The following ACRBP variants were observed in gnomAD, a reference collection of about 807,000 sequenced individuals.
ACRBP encodes the protein acrosin binding protein.
ACRBP carries 52 observed loss-of-function variants against 69.0 expected under a neutral mutation model. That is an observed-to-expected ratio of 0.75 (90% CI 0.60 to 0.95). The LOEUF (loss-of-function observed/expected upper bound fraction) is 0.95, where lower values mean the gene tolerates loss of function less well. ACRBP is among the 40% of genes least tolerant of loss of function. The pLI is 0.00. For missense variants in ACRBP, 604 were observed against 673.0 expected (o/e 0.90, Z 1.13); for synonymous variants, 267 against 258.9 (o/e 1.03, Z -0.30).
At position 6,646,652 on chromosome 12, in the gene ACRBP, C is replaced by T. The variant is rs186267210; in HGVS notation, c.263-75G>A. ...GGGGCTGTGGGCAATGGACTCCACG[C>T]CATGGGGAGGGTGGAGAGTACGAGC... On this transcript the variant is annotated intron_variant, in intron 2 of 9. Transcript: ENST00000229243. 4 of 1,521,068 alleles carry T rather than the reference C, an allele frequency of 2.6e-6. No individual in the cohort carries two copies. The African/African-American group carries it at 5.5e-5, about 21-fold the overall frequency. 94.2% of individuals were successfully genotyped at this position (1,521,068 alleles called of 1,614,324 possible). A position where few individuals can be genotyped will look rare whatever the true frequency, so the allele number is the denominator to read the frequency against.
At chr12:6,645,107 G>A (rs567499982) in intron 4 of ACRBP, 113 bp downstream of exon 4, 27 of 793,616 alleles carry the variant, frequency 3.4e-5, no homozygotes, top group South Asian at 2.5e-4. Flanking sequence ...GTCTGCTGGC[G>A]CCCCCTTCCC....
At chr12:6,642,960 G>A (rs1949063365) in intron 6 of ACRBP, among the ~76,000 whole-genome samples, 1 of 152,096 alleles carries the variant, frequency 6.6e-6, no homozygotes, top group South Asian at 2.1e-4. Context: ...AGAATCAAGA[G>A]TTGACTCAAG....
chr12:6,643,235 G>T (rs1949065883), intron 6 of ACRBP, among the ~76,000 whole-genome samples: 2 of 152,048 alleles, frequency 1.3e-5, no homozygotes, highest in Admixed American at 1.3e-4. Context: ...TCCAGCCTGA[G>T]TAATAGAGTA....
At chr12:6,646,406 C>T in intron 3 of ACRBP, 77 bp downstream of exon 3, 1 of 1,347,838 alleles carries the variant, frequency 7.4e-7, no homozygotes, top group Non-Finnish European at 1.1e-6. Flanking sequence ...CTCCTGGAAC[C>T]CTTCCTCAAC....
In ACRBP at chr12:6,638,768, G is replaced by A. The variant is rs1565391074; in HGVS notation, c.1509+186C>T. Reference sequence around the variant, plus strand: ...TGTTATCCACCAGCTGCCTAGGAGGGCCTTGCTTCCGCCAGGACTGGAGGA... The same window carrying A: ...TGTTATCCACCAGCTGCCTAGGAGGACCTTGCTTCCGCCAGGACTGGAGGA... On this transcript the variant is annotated intron_variant, in intron 9 of 9. Transcript: ENST00000229243. 2.8e-6 allele frequency: 4 copies of A among 1,444,998 alleles called. No homozygotes were observed. In the East Asian group the frequency reaches 7.5e-5, roughly 27 times the overall value. 89.5% of individuals were successfully genotyped at this position (1,444,998 alleles called of 1,614,324 possible).
chr12:6,638,932 G>GGGGCA, intron 9 of ACRBP, 22 bp downstream of exon 9: 1 of 1,611,706 alleles, frequency 6.2e-7, no homozygotes, highest in Non-Finnish European at 8.5e-7. Flanking sequence ...GGGAGAAGGA[G>GGGGCA]GGGCAGGGCA....
intron 9 of ACRBP, chr12:6,638,657 T>A: frequency 7.2e-7 from 1 of 1,393,820 alleles, no homozygotes. Flanking sequence ...ACTTGGTGAG[T>A]AAGAAGAGGA....
In ACRBP at chr12:6,647,031, G is replaced by C. The variant is rs1949095155; in HGVS notation, c.44-19C>G. On this transcript the variant is annotated intron_variant, in intron 1 of 9. Coordinates refer to ENST00000229243, the MANE Select transcript of ACRBP (RefSeq NM_032489.3). ...AGCAGCACTGCGGAGCGGGCGAACG[G>C]ATGATGGAAGGACCGAACCCCAAAA... 6.2e-7 allele frequency: 1 copy of C among 1,602,632 alleles called. No homozygotes were observed. Among genetic ancestry groups the C allele is most frequent in the African/African-American group, 1.3e-5 (1 of 74,938 alleles).
chr12:6,640,884 A>G lies in ACRBP; in HGVS notation c.1078-362T>C, dbSNP rs1489657947. Among the ~76,000 whole-genome samples the G allele has an allele frequency of 6.6e-6, 1 of 152,178 alleles. No individual in the cohort carries two copies. The highest frequency in any genetic ancestry group is 2.4e-5 in the African/African-American group (1 of 41,428). ...GATACCCCAACTTAGCCTATCTGAA[A>G]AGAACTCATAACCCTCCCCTGCCAC... On this transcript the variant is annotated intron_variant, in intron 6 of 9. Coordinates refer to ENST00000229243, the MANE Select transcript of ACRBP (RefSeq NM_032489.3). The surrounding 1 kb of genome is among the most constrained non-coding windows in gnomAD (Gnocchi z 5.3).
chr12:6,638,748 T>C (rs924210920), intron 9 of ACRBP: 23 of 1,435,882 alleles, frequency 1.6e-5, no homozygotes, highest in African/African-American at 5.7e-5. Context: ...TCCTCTGTTA[T>C]CCACCAGCTG....
intron 9 of ACRBP, chr12:6,638,634 C>T (rs911984078): frequency 8.2e-6 from 11 of 1,345,386 alleles, no homozygotes; most frequent in Non-Finnish European, 1.1e-5. Context: ...GGGGAAGTGC[C>T]TCATCCCAGG....
At position 6,646,873 on chromosome 12, in the gene ACRBP, A is replaced by G. The variant is rs1949093721; in HGVS notation, c.183T>C (p.Arg61=). 6.2e-7 allele frequency: 1 copy of G among 1,613,992 alleles called. No individual in the cohort carries two copies. Among genetic ancestry groups the G allele is most frequent in the Admixed American group, 1.7e-5 (1 of 59,992 alleles). Residue 61 remains arginine, a synonymous_variant, in exon 2 of 10, where the codon CGT becomes CGC. Transcript: ENST00000229243. ...TCCGGCAGCCGTGGGTTGCACGGAG[A>G]CGGCAGGTAGTCTCTGCCTTCCAGG... ...TPTWKAETTC[R]LRATHGCRNP...
rs113470945 is a variant in ACRBP at position 6,643,948 on chromosome 12, G to C, written c.944+189C>G. The stretch of plus-strand genomic sequence containing the variant: ...TAGCTCCAGGTACAGGGCTTACATA[G>C]AGAATAAGCATTTGAGCAGTGCTTA... On this transcript the variant is annotated intron_variant, in intron 5 of 9. Transcript: ENST00000229243. 1,163 of 1,201,204 alleles carry C rather than the reference G, an allele frequency of 9.7e-4. 9 individuals are homozygous for C. The African/African-American group carries it at 0.016, about 17-fold the overall frequency. 74.4% of individuals were successfully genotyped at this position (1,201,204 alleles called of 1,614,324 possible). A position where few individuals can be genotyped will look rare whatever the true frequency, so the allele number is the denominator to read the frequency against.
chr12:6,638,587 C>T (rs1326952071), intron 9 of ACRBP, 183 bp from the exon 10 acceptor site: 10 of 1,213,188 alleles, frequency 8.2e-6, no homozygotes, highest in South Asian at 1.5e-5. Context: ...AGCAGCCCAA[C>T]CCCTTTCATG....
At position 6,644,270 on chromosome 12, in the gene ACRBP, G is replaced by A. The variant is rs767121328; in HGVS notation, c.811C>T (p.Arg271Trp). The A allele has an allele frequency of 1.5e-5, 24 of 1,613,966 alleles. No individual in the cohort carries two copies. Among genetic ancestry groups the A allele is most frequent in the East Asian group, 2.2e-5 (1 of 44,904 alleles). Residue 271 changes from arginine to tryptophan, a missense_variant, in exon 5 of 10, where the codon CGG (arginine) becomes TGG (tryptophan). Transcript: ENST00000229243. The stretch of plus-strand genomic sequence containing the variant: ...GGAGTAGACTCTACTTCTCGTACCC[G>A]GGGAGCAAAAGAGGAAGGGTTAGAA... ...LSSNPSSFAP[R>W]VREVESTPMI... is the part of the protein sequence containing the mutation.
chr12:6,638,225 AAAAC>A lies in ACRBP; in HGVS notation c.*53_*56del. On this transcript the variant is annotated 3_prime_UTR_variant, in exon 10 of 10. Coordinates refer to ENST00000229243, the MANE Select transcript of ACRBP (RefSeq NM_032489.3). ...GGCAGCCTGAAAGCAATGGGGTCTC[AAAAC>A]AATAGAGAACGTGGGCAGGTTGGGC... 1.3e-6 allele frequency: 2 copies of A among 1,598,368 alleles called. No individual in the cohort carries two copies. The highest frequency in any genetic ancestry group is 3.4e-5 in the Admixed American group (2 of 58,454).
At position 6,645,224 on chromosome 12, in the gene ACRBP, G is replaced by A. The variant is rs774916783; in HGVS notation, c.471C>T (p.Phe157=). 6.2e-7 allele frequency: 1 copy of A among 1,610,272 alleles called. No homozygotes were observed. The highest frequency in any genetic ancestry group is 2.2e-5 in the East Asian group (1 of 44,854). Residue 157 remains phenylalanine, a synonymous_variant, in exon 4 of 10, where the codon TTC becomes TTT. Transcript: ENST00000229243. The part of the protein sequence containing the change: ...TTMTSPISPH[F]TVTERQTFQP... ...CGGCTGCTGAGAGGGTCTCACCTGT[G>A]AAGTGGGGTGAGATGGGGGAGGTCA...
At chr12:6,646,446 C>A in intron 3 of ACRBP, 37 bp downstream of exon 3, 1 of 1,593,624 alleles carries the variant, frequency 6.3e-7, no homozygotes. Flanking sequence ...TCCCTTGGCC[C>A]TGGGGCACCA....
chr12:6,638,153 C>T lies in ACRBP; in HGVS notation c.*129G>A. 7.2e-7 allele frequency: 1 copy of T among 1,381,570 alleles called. No homozygotes were observed. The highest frequency in any genetic ancestry group is 9.9e-7 in the Non-Finnish European group (1 of 1,008,292). 85.6% of individuals were successfully genotyped at this position (1,381,570 alleles called of 1,614,324 possible). Reference sequence around the variant, plus strand: ...CGTGGCCCTCTCTGGGACTGTTGCTCCAACCCAAGGAAATGTGAGTAGGGG... The same window carrying T: ...CGTGGCCCTCTCTGGGACTGTTGCTTCAACCCAAGGAAATGTGAGTAGGGG... On this transcript the variant is annotated 3_prime_UTR_variant, in exon 10 of 10. Transcript: ENST00000229243.
Sources: allele counts gnomAD v4.1 joint callset (sites outside exome capture counted in the v4.1 genomes callset), GRCh38; gene constraint gnomAD v4.1.1; non-coding constraint Gnocchi (gnomAD v3.1); transcripts MANE v1.5; gene names NCBI Gene and HGNC (gene_info 2026-07-23, HGNC 2026-07-21).